SLC26A7: variants seen among roughly 807,000 people sequenced by gnomAD.
SLC26A7 encodes the protein anion exchange transporter.
In SLC26A7, 59 loss-of-function variants were observed where a neutral mutation model predicts 82.5. The observed-to-expected ratio is 0.72, with a 90% CI of 0.58 to 0.89. The LOEUF (loss-of-function observed/expected upper bound fraction) is 0.89. Ranked by LOEUF, SLC26A7 falls within the 40% of genes least tolerant of loss-of-function variation. The pLI, the probability that SLC26A7 is intolerant of heterozygous loss-of-function variation, is 0.00. For missense variants in SLC26A7, 820 were observed against 793.0 expected (o/e 1.03, Z -0.41); for synonymous variants, 271 against 274.3 (o/e 0.99, Z 0.12).
At chr8:91,339,042 T>C (rs1053544653) in intron 7 of SLC26A7, among the ~76,000 whole-genome samples, 40 of 152,184 alleles carry the variant, frequency 2.6e-4, no homozygotes, top group Non-Finnish European at 4.9e-4. Flanking sequence ...TTAGCACATA[T>C]AGATATAGGC....
At chr8:91,268,343 G>T (rs952673527) in intron 2 of SLC26A7, among the ~76,000 whole-genome samples, 1 of 151,680 alleles carries the variant, frequency 6.6e-6, no homozygotes, top group Admixed American at 6.6e-5. Flanking sequence ...ATTTGAAAAG[G>T]TTATAGCCTC....
intron 2 of SLC26A7, among the ~76,000 whole-genome samples, chr8:91,220,524 C>G (rs923692139): frequency 1.3e-5 from 2 of 151,980 alleles, no homozygotes; most frequent in African/African-American, 4.8e-5. Flanking sequence ...CCAGCAGGTT[C>G]TGGCATGTAA....
chr8:91,242,645 T>C (rs964308511), intron 2 of SLC26A7, among the ~76,000 whole-genome samples: 9 of 152,140 alleles, frequency 5.9e-5, no homozygotes, highest in Non-Finnish European at 1.2e-4. Context: ...CTCTCTGCCA[T>C]GTGAGAATGC....
chr8:91,229,328 T>G (rs992760274), intron 2 of SLC26A7, among the ~76,000 whole-genome samples: 3 of 152,226 alleles, frequency 2.0e-5, no homozygotes, highest in African/African-American at 7.2e-5. Context: ...CTCATTTATT[T>G]ATTGTCTGTC....
chr8:91,281,802 C>G (rs1000393438), intron 2 of SLC26A7, among the ~76,000 whole-genome samples: 11 of 152,140 alleles, frequency 7.2e-5, no homozygotes, highest in African/African-American at 2.4e-4. Context: ...GGAAGTGACT[C>G]TGGCCTAACT....
At position 91,351,885 on chromosome 8, in the gene SLC26A7, A is replaced by AT; in HGVS notation, c.1217dup (p.Met406IlefsTer30). On this transcript the variant is annotated frameshift_variant and splice_region_variant, in exon 10 of 19. Transcript: ENST00000276609. LOFTEE classifies it high-confidence loss of function. ...AGGACCTTTGCTTTACTGGCTGCCC[A>AT]TGGTACGGTAGTGCTTTTTCACTAT... 6.2e-7 allele frequency: 1 copy of AT among 1,604,910 alleles called. No individual in the cohort carries two copies. Among genetic ancestry groups the AT allele is most frequent in the Non-Finnish European group, 8.5e-7 (1 of 1,171,928 alleles).
chr8:91,371,413 T>C (rs1285911085), intron 15 of SLC26A7, among the ~76,000 whole-genome samples: 2 of 151,916 alleles, frequency 1.3e-5, no homozygotes, highest in South Asian at 2.1e-4. Flanking sequence ...CTTTTGGAGT[T>C]CCCAGTGTCT....
chr8:91,305,436 T>G (rs1812278325), intron 4 of SLC26A7, among the ~76,000 whole-genome samples: 1 of 152,184 alleles, frequency 6.6e-6, no homozygotes, highest in African/African-American at 2.4e-5. Context: ...CCACATCTGA[T>G]GAAAAACAAA....
intron 15 of SLC26A7, 52 bp downstream of exon 15, chr8:91,369,885 AC>A: frequency 7.2e-7 from 1 of 1,397,892 alleles, no homozygotes; most frequent in Non-Finnish European, 1.0e-6. Flanking sequence ...TTGAAGATAG[AC>A]CAGAGAATAA....
intron 10 of SLC26A7, 94 bp downstream of exon 10, chr8:91,351,981 C>A: frequency 1.0e-6 from 1 of 958,578 alleles, no homozygotes; most frequent in Non-Finnish European, 1.7e-6. Flanking sequence ...CCTCAACAAT[C>A]CTAAATGTAG....
Position 91,295,706 on chromosome 8 carries a change from A to T in SLC26A7, c.477+3A>T. ...CCTTCTTGGGAGGTGTGATTCAGGT[A>T]AGTGATACTGACACTTGAGCACAAA... On this transcript the variant is annotated splice_donor_region_variant and intron_variant, in intron 4 of 18. Coordinates refer to ENST00000276609, the MANE Select transcript of SLC26A7 (RefSeq NM_052832.4). 6.2e-7 allele frequency: 1 copy of T among 1,613,548 alleles called. No individual in the cohort carries two copies. Among genetic ancestry groups the T allele is most frequent in the South Asian group, 1.1e-5 (1 of 90,926 alleles).
rs775296404 is a variant in SLC26A7 at position 91,393,790 on chromosome 8, C to A, written c.1777-7C>A. ...TAATTGTGGGTATCCTATTTTAATT[C>A]TTCCAGGTTTACATGGACTGTAAAG... On this transcript the variant is annotated splice_region_variant and splice_polypyrimidine_tract_variant and intron_variant, in intron 16 of 18. Coordinates refer to ENST00000276609, the MANE Select transcript of SLC26A7 (RefSeq NM_052832.4). 6.2e-7 allele frequency: 1 copy of A among 1,613,154 alleles called. No individual in the cohort carries two copies. The highest frequency in any genetic ancestry group is 8.5e-7 in the Non-Finnish European group (1 of 1,179,300).
intron 1 of SLC26A7, among the ~76,000 whole-genome samples, chr8:91,215,110 G>A (rs1343913555): frequency 6.6e-6 from 1 of 152,016 alleles, no homozygotes; most frequent in Non-Finnish European, 1.5e-5. Flanking sequence ...GTAGTCCAGG[G>A]TAACTTCCTT....
At chr8:91,355,666 T>A (rs1813843344) in intron 11 of SLC26A7, among the ~76,000 whole-genome samples, 1 of 152,124 alleles carries the variant, frequency 6.6e-6, no homozygotes, top group African/African-American at 2.4e-5. Context: ...ATTTAAGGTT[T>A]TTTTTCCTGA....
At chr8:91,331,871 T>G (rs932729493) in intron 5 of SLC26A7, among the ~76,000 whole-genome samples, 3 of 152,058 alleles carry the variant, frequency 2.0e-5, no homozygotes, top group African/African-American at 7.2e-5. Flanking sequence ...TGCTTTCTTA[T>G]AGTTTGAATT....
At chr8:91,380,579 A>C (rs771669538) in intron 15 of SLC26A7, among the ~76,000 whole-genome samples, 2 of 152,194 alleles carry the variant, frequency 1.3e-5, no homozygotes, top group African/African-American at 4.8e-5. Flanking sequence ...AACAGTAACA[A>C]TTATGACATA....
chr8:91,336,817 A>C (rs1057227758), intron 6 of SLC26A7, among the ~76,000 whole-genome samples: 1 of 152,178 alleles, frequency 6.6e-6, no homozygotes, highest in Non-Finnish European at 1.5e-5. Context: ...CTGTGTATCA[A>C]ATACCCTGCA....
At position 91,334,302 on chromosome 8, in the gene SLC26A7, CAT is replaced by C. The variant is rs1442898534; in HGVS notation, c.653_654del (p.Tyr218CysfsTer3). The C allele has an allele frequency of 9.3e-6, 15 of 1,608,738 alleles. No homozygotes were observed. The highest frequency in any genetic ancestry group is 1.3e-5 in the Non-Finnish European group (15 of 1,177,686). Reference sequence around the variant, plus strand: ...TTTTTCTCATTACTGTAGATTTATGCATATGTTTTTGAAAACATCAAGTCTGT... The same window carrying C: ...TTTTTCTCATTACTGTAGATTTATGCATGTTTTTGAAAACATCAAGTCTGT... On this transcript the variant is annotated frameshift_variant, in exon 6 of 19. Coordinates refer to ENST00000276609, the MANE Select transcript of SLC26A7 (RefSeq NM_052832.4). LOFTEE classifies it high-confidence loss of function.
chr8:91,255,045 C>G (rs1810763105), intron 2 of SLC26A7, among the ~76,000 whole-genome samples: 1 of 152,100 alleles, frequency 6.6e-6, no homozygotes, highest in Non-Finnish European at 1.5e-5. Context: ...GAAAGAGATT[C>G]TCTGTTTCCA....
Sources: allele counts gnomAD v4.1 joint callset (sites outside exome capture counted in the v4.1 genomes callset), GRCh38; gene constraint gnomAD v4.1.1; transcripts MANE v1.5; gene names NCBI Gene and HGNC (gene_info 2026-07-23, HGNC 2026-07-21).